The following TRPM3 variants were observed in gnomAD, a reference collection of about 807,000 sequenced individuals.
TRPM3 encodes the protein transient receptor potential cation channel subfamily M member 3.
Under a neutral mutation model 181.2 loss-of-function variants are expected in TRPM3, and 77 were observed. The ratio of observed to expected loss-of-function variants is 0.42; its 90% CI spans 0.35 to 0.51. The LOEUF (loss-of-function observed/expected upper bound fraction) is 0.51. TRPM3 is among the 20% of genes least tolerant of loss of function. TRPM3 has a pLI of 0.01. For synonymous variants in TRPM3, 745 were observed against 796.4 expected, an observed-to-expected ratio of 0.94 and a Z score of 1.09; for missense variants, 1,759 against 2,196.7, an observed-to-expected ratio of 0.80 and a Z score of 3.98.
At chr9:70,852,274 A>T (rs1489743779) in intron 3 of TRPM3, among the ~76,000 whole-genome samples, 1 of 151,436 alleles carries the variant, frequency 6.6e-6, no homozygotes, top group Non-Finnish European at 1.5e-5. Flanking sequence ...CTTCTCACAT[A>T]CTCCTCCCAA....
chr9:71,155,525 T>TATTTTATTTTA (rs2075955480), intron 1 of TRPM3, among the ~76,000 whole-genome samples: 3 of 149,684 alleles, frequency 2.0e-5, no homozygotes, highest in South Asian at 2.1e-4. Flanking sequence ...TATTTTATTT[T>TATTTTATTTTA]TGCATAATTA....
intron 1 of TRPM3, among the ~76,000 whole-genome samples, chr9:71,345,587 CG>C (rs1311820210): frequency 2.0e-5 from 3 of 148,392 alleles, no homozygotes; most frequent in Non-Finnish European, 4.5e-5. Flanking sequence ...CAGGGCCTGT[CG>C]GGGGGTGGGG....
chr9:70,673,680 G>C (rs756951055), intron 9 of TRPM3, among the ~76,000 whole-genome samples: 30 of 152,122 alleles, frequency 2.0e-4, no homozygotes, highest in Non-Finnish European at 4.0e-4. Context: ...TGTAATCCCA[G>C]CACTTTGGGA....
rs2060233157 is a variant in TRPM3 at position 71,053,036 on chromosome 9, A to G, written c.177+68142T>C. ...GTAACTCTTTTGTCACCAATAGTGC[A>G]TATGGAGTTTCCTAACCAGCGAATA... On this transcript the variant is annotated intron_variant, in intron 1 of 25. Transcript: ENST00000677713. Among the ~76,000 whole-genome samples, 3 of 143,312 alleles carry G rather than the reference A, an allele frequency of 2.1e-5. No individual in the cohort carries two copies. In the South Asian group the frequency reaches 7.2e-4, roughly 34 times the overall value. The allele number at this position is 143,312 out of a possible 152,430, so 94.0% of individuals were successfully genotyped here.
intron 11 of TRPM3, among the ~76,000 whole-genome samples, chr9:70,635,995 A>G (rs925348380): frequency 8.5e-5 from 13 of 152,186 alleles, no homozygotes; most frequent in Admixed American, 5.9e-4. Context: ...CTGCCATCAC[A>G]ACTTGTTTAT....
At chr9:71,307,976 T>G (rs931674305) in intron 1 of TRPM3, among the ~76,000 whole-genome samples, 27 of 147,838 alleles carry the variant, frequency 1.8e-4, no homozygotes, top group Non-Finnish European at 3.0e-4. Flanking sequence ...CTTTCTTTCT[T>G]TTTTTTTTTT....
At chr9:70,963,104 C>T (rs759703167) in intron 1 of TRPM3, among the ~76,000 whole-genome samples, 2 of 152,114 alleles carry the variant, frequency 1.3e-5, no homozygotes, top group Non-Finnish European at 2.9e-5. Flanking sequence ...AAACAGTAGA[C>T]CTCAAGGCAA....
At chr9:71,416,011 T>A (rs965176420) in intron 1 of TRPM3, among the ~76,000 whole-genome samples, 1 of 120,980 alleles carries the variant, frequency 8.3e-6, no homozygotes, top group Admixed American at 7.8e-5. Flanking sequence ...AATATTCCAA[T>A]TTTTTTTTTT....
chr9:70,594,024 T>G (rs2058575423), intron 21 of TRPM3, among the ~76,000 whole-genome samples: 1 of 148,862 alleles, frequency 6.7e-6, no homozygotes, highest in African/African-American at 2.4e-5. Flanking sequence ...ACCTGGGTTT[T>G]CATCTTGACT....
rs139445965 is a variant in TRPM3 at position 71,058,604 on chromosome 9, T to C, written c.177+62574A>G. ...CTGCAATGAATGCATTTCTATGACA[T>C]GCTTTTCAAATTTCTAGAGTCATCT... On this transcript the variant is annotated intron_variant, in intron 1 of 25. Transcript: ENST00000677713. Among the ~76,000 whole-genome samples, 25 of 152,142 alleles carry C rather than the reference T, an allele frequency of 1.6e-4. No homozygotes were observed. The East Asian group carries it at 4.6e-3, about 28-fold the overall frequency.
chr9:70,962,025 A>G (rs2133828880), intron 1 of TRPM3, among the ~76,000 whole-genome samples: 1 of 152,306 alleles, frequency 6.6e-6, no homozygotes, highest in African/African-American at 2.4e-5. Context: ...TATAAAGATG[A>G]TAGGAAGGAA....
At chr9:71,290,104 T>A (rs554173121) in intron 1 of TRPM3, among the ~76,000 whole-genome samples, 4 of 152,098 alleles carry the variant, frequency 2.6e-5, no homozygotes, top group African/African-American at 9.6e-5. Context: ...GCTCAGAGGC[T>A]GGAGAACAGA....
intron 7 of TRPM3, among the ~76,000 whole-genome samples, chr9:70,770,784 G>T (rs984598447): frequency 2.6e-5 from 4 of 152,182 alleles, no homozygotes; most frequent in African/African-American, 4.8e-5. Flanking sequence ...TGGCACATAG[G>T]TGTTAAATAA....
At chr9:71,406,016 C>T (rs1420395067) in intron 1 of TRPM3, among the ~76,000 whole-genome samples, 3 of 152,102 alleles carry the variant, frequency 2.0e-5, no homozygotes, top group African/African-American at 7.2e-5. Context: ...TGGCTCACAC[C>T]TGTAATCCCA....
chr9:71,344,413 T>G (rs1324266803), intron 1 of TRPM3, among the ~76,000 whole-genome samples: 1 of 151,562 alleles, frequency 6.6e-6, no homozygotes. Flanking sequence ...ATCACACCAT[T>G]GCACTCCAGC....
At chr9:71,443,753 C>A (rs555233419) in intron 1 of TRPM3, among the ~76,000 whole-genome samples, 64 of 152,174 alleles carry the variant, frequency 4.2e-4, no homozygotes, top group Non-Finnish European at 8.2e-4. Context: ...CTCCCCTACA[C>A]TTTACATACC....
intron 5 of TRPM3, among the ~76,000 whole-genome samples, chr9:70,837,305 CAT>C (rs1240728979): frequency 2.0e-5 from 3 of 152,100 alleles, no homozygotes; most frequent in Non-Finnish European, 2.9e-5. Flanking sequence ...TGGCTTGAAA[CAT>C]AAAGATGGCA....
intron 1 of TRPM3, among the ~76,000 whole-genome samples, chr9:70,880,874 T>C (rs768692614): frequency 6.6e-5 from 10 of 152,180 alleles, no homozygotes; most frequent in African/African-American, 9.7e-5. Flanking sequence ...CCACCTGGCC[T>C]GTTTAGAACA....
At chr9:70,756,126 T>G (rs2077036954) in intron 8 of TRPM3, among the ~76,000 whole-genome samples, 1 of 148,966 alleles carries the variant, frequency 6.7e-6, no homozygotes, top group African/African-American at 2.5e-5. Context: ...ACCAAGCAAA[T>G]GGAAAGCAAA....
Sources: allele counts gnomAD v4.1 joint callset (sites outside exome capture counted in the v4.1 genomes callset), GRCh38; gene constraint gnomAD v4.1.1; transcripts MANE v1.5; gene names NCBI Gene and HGNC (gene_info 2026-07-23, HGNC 2026-07-21).